PCDHGC4: variants seen among roughly 807,000 people sequenced by gnomAD.
The protein encoded by PCDHGC4 is protocadherin gamma subfamily C, 4.
Under a neutral mutation model 59.7 loss-of-function variants are expected in PCDHGC4, and 15 were observed. That is an observed-to-expected ratio of 0.25 (90% confidence interval 0.17 to 0.39). The LOEUF (loss-of-function observed/expected upper bound fraction) is 0.39, where lower values mean the gene tolerates loss of function less well. Ranked by LOEUF, PCDHGC4 falls within the 10% of genes least tolerant of loss-of-function variation. The pLI, the probability that PCDHGC4 is intolerant of heterozygous loss-of-function variation, is 1.00. For missense variants in PCDHGC4, 1,016 were observed against 1,189.5 expected, an observed-to-expected ratio of 0.85 and a Z score of 2.15; for synonymous variants, 434 against 481.4, an observed-to-expected ratio of 0.90 and a Z score of 1.29.
At position 141,485,287 on chromosome 5, in the gene PCDHGC4, G is replaced by A. The variant is rs1396496143; in HGVS notation, c.114G>A (p.Glu38=). 5.0e-6 allele frequency: 8 copies of A among 1,614,064 alleles called. No individual in the cohort carries two copies. The highest frequency in any genetic ancestry group is 6.8e-6 in the Non-Finnish European group (8 of 1,180,002). The change falls in exon 1 of 4, where the codon GAG becomes GAA. Residue 38 remains glutamate, a synonymous_variant. Transcript: ENST00000306593. The surrounding 1 kb of genome is among the most constrained non-coding windows in gnomAD (Gnocchi z 5.7). ...CGQIRYPVPE[E]SQEGTFVGNV... is the part of the protein sequence containing the mutation. ...AGATCCGCTACCCGGTCCCAGAGGA[G>A]TCACAGGAAGGGACTTTTGTAGGGA...
intron 2 of PCDHGC4, among the ~76,000 whole-genome samples, chr5:141,500,112 C>G (rs2099796438): frequency 6.8e-6 from 1 of 147,138 alleles, no homozygotes; most frequent in Non-Finnish European, 1.5e-5. Context: ...TGTTGAATCC[C>G]TGCCTTTTCA....
chr5:141,503,598 CAAA>C (rs765754054), intron 2 of PCDHGC4, among the ~76,000 whole-genome samples: 9 of 65,742 alleles, frequency 1.4e-4, no homozygotes, highest in Admixed American at 3.4e-4. Context: ...GACTCCAGCT[CAAA>C]AAAAAAAAAA....
Position 141,489,552 on chromosome 5 carries a change from G to T in PCDHGC4, c.2442+1937G>T, listed in dbSNP as rs2099688780. ...GTGGAGCCAGCACCAGCTGCCTGCTGCCAGTGCAGGTGGTGACTGAACACC... is the reference window on the plus strand; with the variant it reads ...GTGGAGCCAGCACCAGCTGCCTGCTTCCAGTGCAGGTGGTGACTGAACACC... On this transcript the variant is annotated intron_variant, in intron 1 of 3. Coordinates refer to ENST00000306593, the MANE Select transcript of PCDHGC4 (RefSeq NM_018928.3). The surrounding 1 kb of genome is among the most constrained non-coding windows in gnomAD (Gnocchi z 4.5). The T allele has an allele frequency of 6.2e-7, 1 of 1,613,988 alleles. No homozygotes were observed. The highest frequency in any genetic ancestry group is 1.7e-5 in the Admixed American group (1 of 60,000).
At chr5:141,507,852 T>C (rs556569001) in intron 3 of PCDHGC4, among the ~76,000 whole-genome samples, 25 of 152,118 alleles carry the variant, frequency 1.6e-4, no homozygotes, top group Non-Finnish European at 2.6e-4. Context: ...CTGCTCTCAC[T>C]TTCACACCCG....
In PCDHGC4 at chr5:141,486,092, C is replaced by A; in HGVS notation, c.919C>A (p.Pro307Thr). Reference sequence around the variant, plus strand: ...TACTGGAAAGCTTACTCTTTTGGGGCCCCTAGACTTTGAGAGTGAGAATTA... The same window carrying A: ...TACTGGAAAGCTTACTCTTTTGGGGACCCTAGACTTTGAGAGTGAGAATTA... ...PTTGKLTLLG[P>T]LDFESENYYE... The change falls in exon 1 of 4, where the codon CCC (proline) becomes ACC (threonine). Residue 307 changes from proline to threonine, a missense_variant. Coordinates refer to ENST00000306593, the MANE Select transcript of PCDHGC4 (RefSeq NM_018928.3). The surrounding 1 kb of genome is among the most constrained non-coding windows in gnomAD (Gnocchi z 5.0). 1.9e-6 allele frequency: 3 copies of A among 1,614,148 alleles called. No individual in the cohort carries two copies. Among genetic ancestry groups the A allele is most frequent in the Non-Finnish European group, 2.5e-6 (3 of 1,180,008 alleles).
At chr5:141,506,680 A>G (rs949777571) in intron 3 of PCDHGC4, among the ~76,000 whole-genome samples, 1 of 152,212 alleles carries the variant, frequency 6.6e-6, no homozygotes, top group Non-Finnish European at 1.5e-5. Context: ...ATATATTATT[A>G]TCTTTGCTGA....
In PCDHGC4 at chr5:141,510,976, G is replaced by A. The variant is rs752758180; in HGVS notation, c.2620G>A (p.Gly874Arg). The change falls in exon 4 of 4, where the codon GGG (glycine) becomes AGG (arginine). Residue 874 changes from glycine to arginine, a missense_variant. Gly to Arg is a moderately radical substitution (Grantham distance 125, BLOSUM62 -2). Transcript: ENST00000306593. ...EAADGSSTLG[G>R]GAGTMGLSAR... ...TGCTGATGGGAGCTCCACCCTGGGA[G>A]GGGGTGCCGGCACCATGGGATTGAG... The A allele has an allele frequency of 5.0e-6, 8 of 1,614,046 alleles. No individual in the cohort carries two copies. The highest frequency in any genetic ancestry group is 6.8e-6 in the Non-Finnish European group (8 of 1,180,022).
Position 141,490,835 on chromosome 5 carries a change from T to C in PCDHGC4, c.2442+3220T>C, listed in dbSNP as rs1284804400. 4 of 1,613,728 alleles carry C rather than the reference T, an allele frequency of 2.5e-6. No individual in the cohort carries two copies. The highest frequency in any genetic ancestry group is 1.1e-5 in the South Asian group (1 of 91,076). On this transcript the variant is annotated intron_variant, in intron 1 of 3. Transcript: ENST00000306593. This position sits in a 1 kb window ranked among gnomAD's most constrained non-coding sequence, Gnocchi z 5.4. ...TATGAATTGCTGCAGATGCTGCAGATTGTGGTGGGGGTTCGAGACTCCGGC... is the reference window on the plus strand; with the variant it reads ...TATGAATTGCTGCAGATGCTGCAGACTGTGGTGGGGGTTCGAGACTCCGGC...
chr5:141,489,084 C>A lies in PCDHGC4; in HGVS notation c.2442+1469C>A. On this transcript the variant is annotated intron_variant, in intron 1 of 3. Coordinates refer to ENST00000306593, the MANE Select transcript of PCDHGC4 (RefSeq NM_018928.3). The surrounding 1 kb of genome is among the most constrained non-coding windows in gnomAD (Gnocchi z 4.5). Reference sequence around the variant, plus strand: ...CTCCCCCCTGCCCACCCCCGCCACTCGGTGACTAAGAACTGCTGCAAGCAG... The same window carrying A: ...CTCCCCCCTGCCCACCCCCGCCACTAGGTGACTAAGAACTGCTGCAAGCAG... The A allele has an allele frequency of 9.1e-6, 3 of 329,124 alleles. No homozygotes were observed. The highest frequency in any genetic ancestry group is 1.1e-5 in the Non-Finnish European group (2 of 186,464). The allele number at this position is 329,124 out of a possible 1,614,324, so 20.4% of individuals were successfully genotyped here. A position where few individuals can be genotyped will look rare whatever the true frequency, so the allele number is the denominator to read the frequency against.
chr5:141,507,810 G>A (rs550331241), intron 3 of PCDHGC4, among the ~76,000 whole-genome samples: 1 of 152,290 alleles, frequency 6.6e-6, no homozygotes, highest in African/African-American at 2.4e-5. Context: ...CCTGGGGAAC[G>A]GACCCTGGGG....
intron 1 of PCDHGC4, among the ~76,000 whole-genome samples, chr5:141,492,438 G>C (rs2099740636): frequency 6.6e-6 from 1 of 152,236 alleles, no homozygotes; most frequent in Non-Finnish European, 1.5e-5. Flanking sequence ...AGGAGTACTC[G>C]TAGCTGATTG....
In PCDHGC4 at chr5:141,505,470, C is replaced by T. The variant is rs1241228956; in HGVS notation, c.2579C>T (p.Ala860Val). Reference protein sequence around the residue: ...DTEMLQAMILASASEAADGSS... With the variant: ...DTEMLQAMILVSASEAADGSS... ...GAGATGCTGCAAGCCATGATCTTGG[C>T]GTCCGCCAGTGGTAAGTGGTGTCAG... The change falls in exon 3 of 4, where the codon GCG becomes GTG. Residue 860 changes from alanine (A) to valine (V), a missense_variant. By Grantham distance (64) the Ala-to-Val change is moderately conservative. Transcript: ENST00000306593. 2 of 1,614,068 alleles carry T rather than the reference C, an allele frequency of 1.2e-6. No individual in the cohort carries two copies. Among genetic ancestry groups the T allele is most frequent in the Non-Finnish European group, 8.5e-7 (1 of 1,180,010 alleles).
rs2099883868 is a variant in PCDHGC4 at position 141,511,590 on chromosome 5, A to G, written c.*417A>G. On this transcript the variant is annotated 3_prime_UTR_variant, in exon 4 of 4. Transcript: ENST00000306593. The stretch of plus-strand genomic sequence containing the variant: ...AGTAAGGTGGTTGGGGTGTTGAAGT[A>G]CCAAGTAACCTACAAGCCTCCTAGT... 3.7e-6 allele frequency: 1 copy of G among 267,908 alleles called. No individual in the cohort carries two copies. The highest frequency in any genetic ancestry group is 7.4e-6 in the Non-Finnish European group (1 of 135,038). 16.6% of individuals were successfully genotyped at this position (267,908 alleles called of 1,614,324 possible). A position where few individuals can be genotyped will look rare whatever the true frequency, so the allele number is the denominator to read the frequency against.
chr5:141,493,983 A>G lies in PCDHGC4; in HGVS notation c.2443-824A>G, dbSNP rs2099751203. Among the ~76,000 whole-genome samples the G allele has an allele frequency of 6.6e-6, 1 of 152,194 alleles. No homozygotes were observed. The highest frequency in any genetic ancestry group is 6.5e-5 in the Admixed American group (1 of 15,278). ...TGGCTGGCCAGAGCCCCACACCTTC[A>G]GCTAGGTGGGAGATGGCTACACATC... On this transcript the variant is annotated intron_variant, in intron 1 of 3. Coordinates refer to ENST00000306593, the MANE Select transcript of PCDHGC4 (RefSeq NM_018928.3). The surrounding 1 kb of genome is among the most constrained non-coding windows in gnomAD (Gnocchi z 4.3).
Position 141,501,940 on chromosome 5 carries a change from C to T in PCDHGC4, c.2502-3453C>T, listed in dbSNP as rs565207980. Among the ~76,000 whole-genome samples the T allele has an allele frequency of 2.6e-5, 4 of 152,250 alleles. No individual in the cohort carries two copies. In the East Asian group the frequency reaches 7.7e-4, roughly 29 times the overall value. On this transcript the variant is annotated intron_variant, in intron 2 of 3. Transcript: ENST00000306593. ...CAGCTTTGTTCCCTCAACACCACTG[C>T]TCCCTGTGACAGGTCATCCTCCTAA...
chr5:141,486,884 C>G lies in PCDHGC4; in HGVS notation c.1711C>G (p.Arg571Gly), dbSNP rs1272694679. The change falls in exon 1 of 4, where the codon CGG becomes GGG. Residue 571 changes from arginine (R) to glycine (G), a missense_variant. Transcript: ENST00000306593. The surrounding 1 kb of genome is among the most constrained non-coding windows in gnomAD (Gnocchi z 5.0). ...TCCAGCTGTGCTCCGTCCTCGGGCC[C>G]GGCCTGGTTCCTTATGTCCCCAAGC... ...NAPAVLRPRA[R>G]PGSLCPQALP... The G allele has an allele frequency of 6.2e-7, 1 of 1,614,224 alleles. No homozygotes were observed. The highest frequency in any genetic ancestry group is 8.5e-7 in the Non-Finnish European group (1 of 1,180,046).
rs1327490895 is a variant in PCDHGC4, at chr5:141,487,672, G to A, written c.2442+57G>A. The stretch of plus-strand genomic sequence containing the variant: ...AGGGTTATTCTGATCCAGGCATATG[G>A]CTAGGCCATGTCCTAGAGAGTACTG... On this transcript the variant is annotated intron_variant, in intron 1 of 3. Coordinates refer to ENST00000306593, the MANE Select transcript of PCDHGC4 (RefSeq NM_018928.3). This position sits in a 1 kb window ranked among gnomAD's most constrained non-coding sequence, Gnocchi z 5.0. 6.2e-7 allele frequency: 1 copy of A among 1,611,484 alleles called. No individual in the cohort carries two copies. Among genetic ancestry groups the A allele is most frequent in the Non-Finnish European group, 8.5e-7 (1 of 1,178,612 alleles).
chr5:141,504,956 G>A (rs1327603937), intron 2 of PCDHGC4, among the ~76,000 whole-genome samples: 1 of 152,096 alleles, frequency 6.6e-6, no homozygotes, highest in Non-Finnish European at 1.5e-5. Context: ...TATGTTCAAT[G>A]CATTGGACCA....
Position 141,511,156 on chromosome 5 carries a change from A to G in PCDHGC4, c.2800A>G (p.Lys934Glu), listed in dbSNP as rs2099883637. 6.2e-7 allele frequency: 1 copy of G among 1,614,080 alleles called. No individual in the cohort carries two copies. The highest frequency in any genetic ancestry group is 1.3e-5 in the African/African-American group (1 of 74,940). Residue 934 changes from lysine (K) to glutamate (E), a missense_variant, in exon 4 of 4, where the codon AAG (lysine) becomes GAG (glutamate). By Grantham distance (56) the Lys-to-Glu change is moderately conservative (BLOSUM62 1). Transcript: ENST00000306593. ...CAATGGCAACAAGAAGAAGTCGGGC[A>G]AGAAGGAGAAGAAGTAACATGGAGG... is the stretch of plus-strand genomic sequence containing the variant. ...GGNGNKKKSG[K>E]KEKK
Sources: allele counts gnomAD v4.1 joint callset (sites outside exome capture counted in the v4.1 genomes callset), GRCh38; gene constraint gnomAD v4.1.1; non-coding constraint Gnocchi (gnomAD v3.1); transcripts MANE v1.5; gene names NCBI Gene and HGNC (gene_info 2026-07-23, HGNC 2026-07-21).